The following NKAIN2 variants were observed in gnomAD, a reference collection of about 807,000 sequenced individuals.
The protein encoded by NKAIN2 is sodium/potassium-transporting ATPase subunit beta-1-interacting protein 2.
In NKAIN2, 14 loss-of-function variants were observed where a neutral mutation model predicts 32.6. The ratio of observed to expected loss-of-function variants is 0.43; its 90% CI spans 0.28 to 0.67. The LOEUF (loss-of-function observed/expected upper bound fraction) is 0.67. NKAIN2 is among the 30% of genes least tolerant of loss of function. The probability of loss-of-function intolerance (pLI) is 0.17; values close to 1 mark genes in which losing one functional copy is unlikely to be tolerated. For missense variants in NKAIN2, 198 were observed against 258.3 expected (o/e 0.77, Z 1.60); for synonymous variants, 80 against 87.2 (o/e 0.92, Z 0.46).
At chr6:124,767,913 G>A (rs1272001870) in intron 4 of NKAIN2, among the ~76,000 whole-genome samples, 1 of 152,140 alleles carries the variant, frequency 6.6e-6, no homozygotes, top group East Asian at 1.9e-4. Context: ...TTCAGCACAT[G>A]ATGCTATGCA....
intron 1 of NKAIN2, among the ~76,000 whole-genome samples, chr6:123,895,115 C>G (rs916491970): frequency 6.6e-6 from 1 of 151,492 alleles, no homozygotes. Context: ...GCTGCCTCCT[C>G]CTTCTTACAA....
intron 1 of NKAIN2, among the ~76,000 whole-genome samples, chr6:124,135,227 A>T (rs1316180722): frequency 6.8e-6 from 1 of 147,018 alleles, no homozygotes; most frequent in Non-Finnish European, 1.5e-5. Flanking sequence ...AAAAAAAAAA[A>T]CTGTTTAGGC....
At chr6:124,587,298 C>T (rs938364342) in intron 3 of NKAIN2, among the ~76,000 whole-genome samples, 1 of 151,752 alleles carries the variant, frequency 6.6e-6, no homozygotes, top group Admixed American at 6.6e-5. Flanking sequence ...GGTGCTATCT[C>T]GGCTCAATGC....
At chr6:124,099,192 T>A (rs1275150565) in intron 1 of NKAIN2, among the ~76,000 whole-genome samples, 1 of 152,220 alleles carries the variant, frequency 6.6e-6, no homozygotes, top group South Asian at 2.1e-4. Context: ...AGGAATAAGA[T>A]AATTGGTTGA....
In NKAIN2 at chr6:124,698,977, C is replaced by T. The variant is rs149416770; in HGVS notation, c.474+40591C>T. Among the ~76,000 whole-genome samples the T allele has an allele frequency of 5.9e-3, 893 of 152,332 alleles. 33 individuals carry two copies. The highest frequency in any genetic ancestry group is 0.049 in the Admixed American group (753 of 15,290). On this transcript the variant is annotated intron_variant, in intron 4 of 6. Coordinates refer to ENST00000368417, the MANE Select transcript of NKAIN2 (RefSeq NM_001040214.3). ...GTGATCCAGGCCTAGCAATTCCACT[C>T]ATTAACTGTAGGGCTTTTGGCAAAT...
intron 3 of NKAIN2, among the ~76,000 whole-genome samples, chr6:124,458,622 CAT>C (rs1776411763): frequency 4.0e-5 from 6 of 151,666 alleles, no homozygotes; most frequent in Admixed American, 3.3e-4. Context: ...ATGAAAAACA[CAT>C]AGAAAAAAAT....
chr6:124,648,812 A>T (rs1784267558), intron 3 of NKAIN2, among the ~76,000 whole-genome samples: 1 of 152,212 alleles, frequency 6.6e-6, no homozygotes, highest in African/African-American at 2.4e-5. Flanking sequence ...TACCCAAAAA[A>T]TGTGAAGAAA....
intron 3 of NKAIN2, among the ~76,000 whole-genome samples, chr6:124,604,773 T>A (rs986612186): frequency 7.9e-5 from 12 of 151,970 alleles, no homozygotes; most frequent in African/African-American, 2.7e-4. Flanking sequence ...TCTTTGCATG[T>A]AATGCTGTAG....
At chr6:124,761,447 T>C (rs1028743267) in intron 4 of NKAIN2, among the ~76,000 whole-genome samples, 1 of 152,164 alleles carries the variant, frequency 6.6e-6, no homozygotes, top group African/African-American at 2.4e-5. Context: ...ACTCATTTGT[T>C]CTCTAACCAC....
intron 1 of NKAIN2, among the ~76,000 whole-genome samples, chr6:124,052,103 T>C (rs1782438374): frequency 6.6e-6 from 1 of 152,108 alleles, no homozygotes; most frequent in Non-Finnish European, 1.5e-5. Context: ...TATAACACTT[T>C]AAATTTTACA....
intron 3 of NKAIN2, among the ~76,000 whole-genome samples, chr6:124,544,511 C>T (rs530168233): frequency 1.3e-5 from 2 of 152,120 alleles, no homozygotes; most frequent in East Asian, 1.9e-4. Context: ...TGAAACTAGG[C>T]CTTCTAGTTA....
chr6:124,456,939 G>C (rs1015479745), intron 3 of NKAIN2, among the ~76,000 whole-genome samples: 1 of 151,776 alleles, frequency 6.6e-6, no homozygotes, highest in Non-Finnish European at 1.5e-5. Context: ...ATTTATTGTG[G>C]CAGTGGTGTA....
intron 1 of NKAIN2, among the ~76,000 whole-genome samples, chr6:124,052,561 A>G (rs1045603919): frequency 6.6e-6 from 1 of 152,108 alleles, no homozygotes; most frequent in African/African-American, 2.4e-5. Flanking sequence ...TAGAAAAGCT[A>G]CAGAAATGAA....
At chr6:124,039,923 A>T (rs1008226418) in intron 1 of NKAIN2, among the ~76,000 whole-genome samples, 7 of 152,006 alleles carry the variant, frequency 4.6e-5, no homozygotes, top group Non-Finnish European at 1.0e-4. Flanking sequence ...TTCACAAAGC[A>T]TGCTTCTAGC....
In NKAIN2 at chr6:124,346,522, A is replaced by G. The variant is rs541093090; in HGVS notation, c.193-8745A>G. Among the ~76,000 whole-genome samples the G allele has an allele frequency of 7.9e-5, 12 of 152,278 alleles. No homozygotes were observed. The South Asian group carries it at 1.5e-3, about 18-fold the overall frequency. ...GCTTTATGAATCTGGGTGCTCCTGT[A>G]TTGGGTGCATATATATTTAGGACAA... On this transcript the variant is annotated intron_variant, in intron 2 of 6. Transcript: ENST00000368417.
intron 3 of NKAIN2, among the ~76,000 whole-genome samples, chr6:124,581,445 CAAAAAAAA>C (rs57280967): frequency 4.3e-4 from 35 of 81,440 alleles, no homozygotes; most frequent in East Asian, 2.3e-3. Flanking sequence ...GACTCCGTCT[CAAAAAAAA>C]AAAAAAAAAA....
At chr6:124,681,971 G>A (rs1562321665) in intron 4 of NKAIN2, among the ~76,000 whole-genome samples, 1 of 151,838 alleles carries the variant, frequency 6.6e-6, no homozygotes, top group Non-Finnish European at 1.5e-5. Flanking sequence ...AAATATTACA[G>A]GAAAGGCAAG....
chr6:124,123,536 G>T (rs903732642), intron 1 of NKAIN2, among the ~76,000 whole-genome samples: 1 of 151,894 alleles, frequency 6.6e-6, no homozygotes, highest in African/African-American at 2.4e-5. Flanking sequence ...TTGCATAGAT[G>T]TGCATTTGTT....
intron 5 of NKAIN2, among the ~76,000 whole-genome samples, chr6:124,810,845 A>C (rs1220219688): frequency 6.6e-6 from 1 of 151,482 alleles, no homozygotes; most frequent in Non-Finnish European, 1.5e-5. Flanking sequence ...GTTGTATAAC[A>C]CTTTAGTGAC....
Sources: allele counts gnomAD v4.1 joint callset (sites outside exome capture counted in the v4.1 genomes callset), GRCh38; gene constraint gnomAD v4.1.1; transcripts MANE v1.5; gene names NCBI Gene and HGNC (gene_info 2026-07-23, HGNC 2026-07-21).